Variants in XPOT observed in about 807,000 individuals in gnomAD.
XPOT encodes exportin-T.
In XPOT, 34 loss-of-function variants were observed where a neutral mutation model predicts 128.2. That is an observed-to-expected ratio of 0.27 (90% confidence interval 0.20 to 0.35). XPOT has a LOEUF of 0.35. XPOT is among the 10% of genes least tolerant of loss of function. The probability of loss-of-function intolerance (pLI) is 1.00; values close to 1 mark genes in which losing one functional copy is unlikely to be tolerated. For synonymous variants in XPOT, 348 were observed against 394.3 expected, an observed-to-expected ratio of 0.88 and a Z score of 1.39; for missense variants, 838 against 1,125.3, an observed-to-expected ratio of 0.74 and a Z score of 3.65.
rs764072413 is a variant in XPOT, at chr12:64,418,230, A to G, written c.270+115A>G. ...CATCAGTGTTCCTCCATTTGATTTCATAGCTTTTTTAAAAGGTGCTGGTTT... is the reference window on the plus strand; with the variant it reads ...CATCAGTGTTCCTCCATTTGATTTCGTAGCTTTTTTAAAAGGTGCTGGTTT... On this transcript the variant is annotated intron_variant, in intron 5 of 24. Transcript: ENST00000332707. 1.4e-5 allele frequency: 11 copies of G among 809,404 alleles called. No homozygotes were observed. In the Admixed American group the frequency reaches 1.5e-4, roughly 11 times the overall value. The allele number at this position is 809,404 out of a possible 1,614,324, so 50.1% of individuals were successfully genotyped here. A position where few individuals can be genotyped will look rare whatever the true frequency, so the allele number is the denominator to read the frequency against.
intron 1 of XPOT, among the ~76,000 whole-genome samples, chr12:64,405,602 T>A (rs916794677): frequency 6.6e-6 from 1 of 152,216 alleles, no homozygotes; most frequent in Non-Finnish European, 1.5e-5. Context: ...TTTACCGTAT[T>A]GAAACATTTT....
intron 15 of XPOT, among the ~76,000 whole-genome samples, chr12:64,426,291 T>A (rs2040191580): frequency 2.0e-5 from 2 of 99,852 alleles, no homozygotes; most frequent in African/African-American, 3.9e-5. Flanking sequence ...AGCGTGAGAC[T>A]CAGTCTCAAA....
intron 9 of XPOT, among the ~76,000 whole-genome samples, chr12:64,422,002 G>A (rs768860413): frequency 6.6e-6 from 1 of 151,998 alleles, no homozygotes; most frequent in East Asian, 1.9e-4. Flanking sequence ...AGTAGACAGG[G>A]TTTCTCCATG....
chr12:64,418,365 G>A (rs1345032643), intron 5 of XPOT, among the ~76,000 whole-genome samples: 2 of 152,128 alleles, frequency 1.3e-5, no homozygotes, highest in Non-Finnish European at 2.9e-5. Context: ...AAATGTAGTT[G>A]TTTTTAACTA....
chr12:64,420,289 G>T, intron 7 of XPOT, 35 bp downstream of exon 7: 2 of 1,591,788 alleles, frequency 1.3e-6, no homozygotes, highest in South Asian at 1.1e-5. Context: ...GTATAAACTT[G>T]TAAAATACAG....
chr12:64,428,076 G>A lies in XPOT; in HGVS notation c.1693G>A (p.Asp565Asn), dbSNP rs1010229195. The A allele has an allele frequency of 2.5e-6, 4 of 1,574,786 alleles. No individual in the cohort carries two copies. The highest frequency in any genetic ancestry group is 3.5e-6 in the Non-Finnish European group (4 of 1,146,256). ...TAAGCAAATGAATCCTTTCATTGAGGATATTTTGAATAGAATACAAGATTT... is the reference window on the plus strand; with the variant it reads ...TAAGCAAATGAATCCTTTCATTGAGAATATTTTGAATAGAATACAAGATTT... ...LNKQMNPFIE[D>N]ILNRIQDLLE... The change falls in exon 16 of 25, where the codon GAT becomes AAT. Residue 565 changes from aspartate (D) to asparagine (N), a missense_variant. Coordinates refer to ENST00000332707, the MANE Select transcript of XPOT (RefSeq NM_007235.6).
rs1186531452 is a variant in XPOT, at chr12:64,438,628, A to AT, written c.2734-599dup. On this transcript the variant is annotated intron_variant, in intron 22 of 24. Transcript: ENST00000332707. ...GAGTACATCGAGGAGAGATACATTG[A>AT]TTTTTTTTTTTTTTTTTGAGACAGA... 3.1e-3 allele frequency among the ~76,000 whole-genome samples: 435 copies of AT among 140,716 alleles called. 2 individuals are homozygous for AT. Among genetic ancestry groups the AT allele is most frequent in the East Asian group, 8.1e-3 (39 of 4,826 alleles). The allele number at this position is 140,716 out of a possible 152,430, so 92.3% of individuals were successfully genotyped here.
chr12:64,407,239 C>A (rs956346499), intron 1 of XPOT, among the ~76,000 whole-genome samples: 1 of 152,092 alleles, frequency 6.6e-6, no homozygotes, highest in Non-Finnish European at 1.5e-5. Context: ...AATCCCAGCA[C>A]TTTGGGAGGC....
At chr12:64,426,548 A>G (rs1451494317) in intron 15 of XPOT, among the ~76,000 whole-genome samples, 1 of 152,124 alleles carries the variant, frequency 6.6e-6, no homozygotes, top group East Asian at 1.9e-4. Context: ...AAAATGAGGG[A>G]GTGGGGCAAG....
In XPOT at chr12:64,448,100, T is replaced by A; in HGVS notation, c.2863-5T>A. 1 of 1,613,628 alleles carries A rather than the reference T, an allele frequency of 6.2e-7. No individual in the cohort carries two copies. The highest frequency in any genetic ancestry group is 1.1e-5 in the South Asian group (1 of 91,080). Reference sequence around the variant, plus strand: ...GTATTGATTGCATTAATACTTTATTTACAGGTGTTCTTCCAGAGAGCAAAG... The same window carrying A: ...GTATTGATTGCATTAATACTTTATTAACAGGTGTTCTTCCAGAGAGCAAAG... On this transcript the variant is annotated splice_region_variant and splice_polypyrimidine_tract_variant and intron_variant, in intron 24 of 24. Coordinates refer to ENST00000332707, the MANE Select transcript of XPOT (RefSeq NM_007235.6).
Position 64,404,533 on chromosome 12 carries a change from G to C in XPOT, c.-346G>C, listed in dbSNP as rs2039958922. ...CCCTCGCGCTCTTTCCCTTCCTGGG[G>C]CGCCGACCCCGCCCGCTTGCTTGCT... On this transcript the variant is annotated 5_prime_UTR_variant, in exon 1 of 25. Coordinates refer to ENST00000332707, the MANE Select transcript of XPOT (RefSeq NM_007235.6). The C allele has an allele frequency of 6.4e-6, 1 of 155,758 alleles. No homozygotes were observed. The highest frequency in any genetic ancestry group is 6.5e-5 in the Admixed American group (1 of 15,278). 9.6% of individuals were successfully genotyped at this position (155,758 alleles called of 1,614,324 possible). A position where few individuals can be genotyped will look rare whatever the true frequency, so the allele number is the denominator to read the frequency against.
At chr12:64,419,547 G>C (rs1266130529) in intron 6 of XPOT, among the ~76,000 whole-genome samples, 1 of 152,190 alleles carries the variant, frequency 6.6e-6, no homozygotes, top group Non-Finnish European at 1.5e-5. Flanking sequence ...GACTTCAGGT[G>C]ATCCGCCCGC....
intron 19 of XPOT, 145 bp from the exon 20 acceptor site, chr12:64,434,362 T>A: frequency 1.7e-6 from 1 of 594,178 alleles, no homozygotes; most frequent in South Asian, 2.5e-5. Flanking sequence ...ATTTTGGCAA[T>A]TCTGTAAATG....
In XPOT at chr12:64,431,581, T is replaced by C; in HGVS notation, c.2020T>C (p.Cys674Arg). The change falls in exon 18 of 25, where the codon TGT (cysteine) becomes CGT (arginine). Residue 674 changes from cysteine to arginine, a missense_variant. Transcript: ENST00000332707. ...CAGCAACAAACAGACTGTGAAACAA[T>C]GTGGCTGTTCCGAAGTTTATCTGGA... ...AFSNKQTVKQCGCSEVYLDCL... is the reference protein window; with the variant it reads ...AFSNKQTVKQRGCSEVYLDCL... 6.2e-7 allele frequency: 1 copy of C among 1,613,964 alleles called. No individual in the cohort carries two copies. Among genetic ancestry groups the C allele is most frequent in the Non-Finnish European group, 8.5e-7 (1 of 1,179,850 alleles).
In XPOT at chr12:64,424,702, G is replaced by C. The variant is rs1041262343; in HGVS notation, c.1286G>C (p.Arg429Thr). The part of the protein sequence containing the change: ...SPELLLASVR[R>T]VFSSTLQNWQ... ...GAGTTACTACTGGCCTCTGTTCGCA[G>C]AGTTTTTAGTTCTACACTGCAGTAA... Residue 429 changes from arginine to threonine, a missense_variant, in exon 12 of 25, where the codon AGA (arginine) becomes ACA (threonine). Arg to Thr is a moderately conservative substitution (Grantham distance 71). Around this residue, in one of 3 missense-constraint regions of XPOT, gnomAD observed 761 missense variants for 988.3 expected, o/e 0.77. Coordinates refer to ENST00000332707, the MANE Select transcript of XPOT (RefSeq NM_007235.6). 1.2e-6 allele frequency: 2 copies of C among 1,613,718 alleles called. No individual in the cohort carries two copies. The highest frequency in any genetic ancestry group is 8.5e-7 in the Non-Finnish European group (1 of 1,179,996).
intron 24 of XPOT, 36 bp from the exon 25 acceptor site, chr12:64,448,069 A>G (rs1160139810): frequency 6.3e-7 from 1 of 1,597,866 alleles, no homozygotes; most frequent in African/African-American, 1.3e-5. Flanking sequence ...ATATCTTCTG[A>G]CATTAGTATT....
intron 10 of XPOT, 55 bp from the exon 11 acceptor site, chr12:64,423,127 T>C: frequency 1.9e-6 from 3 of 1,591,034 alleles, no homozygotes; most frequent in East Asian, 2.2e-5. Flanking sequence ...TTTCAAATTA[T>C]ATCAAATTAG....
intron 16 of XPOT, 58 bp downstream of exon 16, chr12:64,428,178 A>G: frequency 8.3e-7 from 1 of 1,199,580 alleles, no homozygotes; most frequent in Non-Finnish European, 1.2e-6. Flanking sequence ...CACACGTGCC[A>G]TTAGCCTTGC....
In XPOT at chr12:64,449,203, A is replaced by AAT. The variant is rs1393608355; in HGVS notation, c.*1073_*1074insTA. 1 of 151,744 alleles carries AAT rather than the reference A, an allele frequency of 6.6e-6. No homozygotes were observed. The highest frequency in any genetic ancestry group is 1.5e-5 in the Non-Finnish European group (1 of 67,926). 9.4% of individuals were successfully genotyped at this position (151,744 alleles called of 1,614,324 possible). ...GAGTAAGACTCTCTCTCAAAAAAAA[A>AAT]AAAAAAGAATTTAAAATCCCAATTT... On this transcript the variant is annotated 3_prime_UTR_variant, in exon 25 of 25. Coordinates refer to ENST00000332707, the MANE Select transcript of XPOT (RefSeq NM_007235.6).
Sources: allele counts gnomAD v4.1 joint callset (sites outside exome capture counted in the v4.1 genomes callset), GRCh38; gene constraint gnomAD v4.1.1; regional missense constraint gnomAD v4.1.1; transcripts MANE v1.5; gene names NCBI Gene and HGNC (gene_info 2026-07-23, HGNC 2026-07-21).